The following ZFHX3 variants were observed in gnomAD, a reference collection of about 807,000 sequenced individuals.
The protein encoded by ZFHX3 is zinc finger homeobox 3, also known as zinc finger homeobox protein 3.
Under a neutral mutation model 279.1 loss-of-function variants are expected in ZFHX3, and 42 were observed. The observed-to-expected ratio is 0.15, with a 90% CI of 0.12 to 0.19. The LOEUF (loss-of-function observed/expected upper bound fraction) is 0.19, where lower values mean the gene tolerates loss of function less well. Among genes scored for constraint, ZFHX3 ranks in the 10% least tolerant of loss-of-function variants. The pLI is 1.00. For missense variants in ZFHX3, 4,981 were observed against 4,754.0 expected, an observed-to-expected ratio of 1.05 and a Z score of -1.40; for synonymous variants, 2,293 against 1,957.8, an observed-to-expected ratio of 1.17 and a Z score of -4.52.
chr16:73,240,021 TTGTGTGTGTGTGTGTG>T (rs113010649), intron 5 of ZFHX3, among the ~76,000 whole-genome samples: 18 of 147,056 alleles, frequency 1.2e-4, no homozygotes, highest in Non-Finnish European at 2.6e-4. Flanking sequence ...GAACCTTATT[TTGTGTGTGTGTGTGTG>T]TGTGTGTGTG....
intron 3 of ZFHX3, among the ~76,000 whole-genome samples, chr16:72,949,615 G>C (rs1960876944): frequency 6.6e-6 from 1 of 152,092 alleles, no homozygotes. Flanking sequence ...AGGGTGGAGG[G>C]AGAGAAAGAA....
At chr16:72,936,749 C>CT (rs1960145866) in intron 3 of ZFHX3, among the ~76,000 whole-genome samples, 1 of 152,104 alleles carries the variant, frequency 6.6e-6, no homozygotes, top group Non-Finnish European at 1.5e-5. Flanking sequence ...CAAAGGTGAG[C>CT]TTTTATCTTA....
At chr16:73,740,964 T>C (rs1196400665) in intron 1 of ZFHX3, among the ~76,000 whole-genome samples, 2 of 152,192 alleles carry the variant, frequency 1.3e-5, no homozygotes, top group African/African-American at 2.4e-5. Flanking sequence ...CTTTCCACAT[T>C]TTTTAAGTGA....
chr16:72,805,931 C>T (rs2036250815), intron 7 of ZFHX3: 1 of 152,036 alleles, frequency 6.6e-6, no homozygotes, highest in Non-Finnish European at 1.5e-5. Flanking sequence ...ACTTTGTCAC[C>T]TGGGCTGGAG....
chr16:73,170,182 G>A (rs868608348), intron 5 of ZFHX3, among the ~76,000 whole-genome samples: 1 of 142,966 alleles, frequency 7.0e-6, no homozygotes, highest in Admixed American at 7.1e-5. Flanking sequence ...ATTTACTTTG[G>A]AATCAGCTGT....
chr16:73,889,885 A>G (rs1225852710), intron 1 of ZFHX3, among the ~76,000 whole-genome samples: 1 of 152,172 alleles, frequency 6.6e-6, no homozygotes, highest in Non-Finnish European at 1.5e-5. Flanking sequence ...AAAATTATCC[A>G]ATTAGGAAAT....
intron 3 of ZFHX3, among the ~76,000 whole-genome samples, chr16:72,892,510 G>GT (rs34325397): frequency 0.018 from 2,568 of 142,510 alleles, 24 homozygotes; most frequent in African/African-American, 0.027. Flanking sequence ...TTATTTATTG[G>GT]TTTTTTTTTT....
chr16:73,410,755 G>T (rs887926687), intron 3 of ZFHX3, among the ~76,000 whole-genome samples: 1 of 152,128 alleles, frequency 6.6e-6, no homozygotes, highest in African/African-American at 2.4e-5. Flanking sequence ...GATACTAATG[G>T]TATTCCTAAG....
At chr16:73,615,758 TAC>T (rs1481171516) in intron 2 of ZFHX3, among the ~76,000 whole-genome samples, 1 of 152,138 alleles carries the variant, frequency 6.6e-6, no homozygotes, top group Non-Finnish European at 1.5e-5. Context: ...AGTACAGTGA[TAC>T]AGAGACAGAA....
chr16:73,297,936 G>A (rs1253113809), intron 4 of ZFHX3, among the ~76,000 whole-genome samples: 1 of 151,858 alleles, frequency 6.6e-6, no homozygotes, highest in Non-Finnish European at 1.5e-5. Flanking sequence ...TATAATCCCA[G>A]TGCTTTGGGA....
intron 3 of ZFHX3, among the ~76,000 whole-genome samples, chr16:72,902,708 G>A (rs1186454155): frequency 6.6e-6 from 1 of 152,080 alleles, no homozygotes; most frequent in Non-Finnish European, 1.5e-5. Flanking sequence ...TGGGGTAGAG[G>A]ATCTCAAGCT....
At chr16:73,765,657 T>C (rs992065968) in intron 1 of ZFHX3, among the ~76,000 whole-genome samples, 5 of 152,230 alleles carry the variant, frequency 3.3e-5, no homozygotes, top group Admixed American at 6.5e-5. Context: ...AGGCCAGTTA[T>C]CAGTCCAAAC....
intron 1 of ZFHX3, among the ~76,000 whole-genome samples, chr16:73,726,821 C>T (rs1019894812): frequency 6.6e-6 from 1 of 152,202 alleles, no homozygotes; most frequent in Non-Finnish European, 1.5e-5. Context: ...CTACCTCCAA[C>T]GCTGGGGATT....
chr16:73,686,197 G>A (rs2053081591), intron 1 of ZFHX3, among the ~76,000 whole-genome samples: 1 of 152,118 alleles, frequency 6.6e-6, no homozygotes, highest in Non-Finnish European at 1.5e-5. Flanking sequence ...CCGGGTTCAA[G>A]CAGTTCCCTG....
chr16:73,666,671 T>C (rs929660734), intron 2 of ZFHX3, among the ~76,000 whole-genome samples: 1 of 151,952 alleles, frequency 6.6e-6, no homozygotes, highest in South Asian at 2.1e-4. Context: ...TACGGGTGTA[T>C]GAATTTTGTC....
chr16:73,299,769 G>A (rs191352184), intron 4 of ZFHX3, among the ~76,000 whole-genome samples: 2 of 152,270 alleles, frequency 1.3e-5, no homozygotes, highest in East Asian at 3.9e-4. Flanking sequence ...ATGTTTGCAG[G>A]ATTTGACGGA....
Position 72,951,100 on chromosome 16 carries a change from G to A in ZFHX3, c.2720-135C>T, listed in dbSNP as rs980881591. The stretch of plus-strand genomic sequence containing the variant: ...GATGACATTTCAAGTGTTGCAAAGG[G>A]CTACTGGCTGGAAAACAAGCAAACA... On this transcript the variant is annotated intron_variant, in intron 2 of 9. Coordinates refer to ENST00000268489, the MANE Select transcript of ZFHX3 (RefSeq NM_006885.4). 2.4e-6 allele frequency: 3 copies of A among 1,245,154 alleles called. No individual in the cohort carries two copies. In the African/African-American group the frequency reaches 4.5e-5, roughly 19 times the overall value. 77.1% of individuals were successfully genotyped at this position (1,245,154 alleles called of 1,614,324 possible).
In ZFHX3 at chr16:72,785,796, CAAG is replaced by C. The variant is rs1361792972; in HGVS notation, c.*1365_*1367del. 1 of 149,608 alleles carries C rather than the reference CAAG, an allele frequency of 6.7e-6. No homozygotes were observed. The highest frequency in any genetic ancestry group is 1.5e-5 in the Non-Finnish European group (1 of 67,764). 9.3% of individuals were successfully genotyped at this position (149,608 alleles called of 1,614,324 possible). ...AAGAATATTTGAAGCTCCTACCAAA[CAAG>C]GAGGAAAAGAAGGGGTACAAAGAAA... On this transcript the variant is annotated 3_prime_UTR_variant, in exon 10 of 10. Transcript: ENST00000268489.
chr16:72,788,286 C>T lies in ZFHX3; in HGVS notation c.9990G>A (p.Gly3330=). 3.1e-6 allele frequency: 5 copies of T among 1,614,132 alleles called. No homozygotes were observed. Among genetic ancestry groups the T allele is most frequent in the African/African-American group, 2.7e-5 (2 of 75,040 alleles). Residue 3330 remains glycine (G), a synonymous_variant, in exon 10 of 10, where the codon GGG becomes GGA. Transcript: ENST00000268489. ...CCATGCCATACATAGGCTGCAGGTACCCGCTCTGCAGGGCGCCAGGGATCT... is the reference window on the plus strand; with the variant it reads ...CCATGCCATACATAGGCTGCAGGTATCCGCTCTGCAGGGCGCCAGGGATCT... The part of the protein sequence containing the change: ...APQIPGALQS[G]YLQPMYGMEG...
Sources: allele counts gnomAD v4.1 joint callset (sites outside exome capture counted in the v4.1 genomes callset), GRCh38; gene constraint gnomAD v4.1.1; transcripts MANE v1.5; gene names NCBI Gene and HGNC (gene_info 2026-07-23, HGNC 2026-07-21).